The following SLC44A1 variants were observed in gnomAD, a reference collection of about 807,000 sequenced individuals.
SLC44A1 encodes the protein solute carrier family 44 member 1.
In SLC44A1, 26 loss-of-function variants were observed where a neutral mutation model predicts 79.3. The ratio of observed to expected loss-of-function variants is 0.33; its 90% CI spans 0.24 to 0.46. The LOEUF is 0.46. Among genes scored for constraint, SLC44A1 ranks in the 20% least tolerant of loss-of-function variants. SLC44A1 has a pLI of 1.00. For synonymous variants in SLC44A1, 263 were observed against 286.2 expected (o/e 0.92, Z 0.82); for missense variants, 688 against 798.1 (o/e 0.86, Z 1.66).
intron 15 of SLC44A1, among the ~76,000 whole-genome samples, chr9:105,425,587 T>A (rs1411480046): frequency 6.7e-6 from 1 of 149,458 alleles, no homozygotes; most frequent in Non-Finnish European, 1.5e-5. Context: ...CTTTGGGAGG[T>A]CGAGGCGGGC....
Position 105,392,409 on chromosome 9 carries a change from T to A in SLC44A1, c.*3353T>A. Reference sequence around the variant, plus strand: ...ATGCTCTCTCTCTCTCTCTCTTTTTTTTTTTTTTTTTTTTTTTTTTTCCGT... The same window carrying A: ...ATGCTCTCTCTCTCTCTCTCTTTTTATTTTTTTTTTTTTTTTTTTTTCCGT... On this transcript the variant is annotated 3_prime_UTR_variant, in exon 16 of 16. Coordinates refer to ENST00000374720, the MANE Select transcript of SLC44A1 (RefSeq NM_080546.5). The A allele has an allele frequency of 8.1e-6, 1 of 124,108 alleles. No homozygotes were observed. Among genetic ancestry groups the A allele is most frequent in the Non-Finnish European group, 9.5e-6 (1 of 105,452 alleles). 7.7% of individuals were successfully genotyped at this position (124,108 alleles called of 1,614,324 possible).
intron 3 of SLC44A1, among the ~76,000 whole-genome samples, chr9:105,317,925 C>G (rs1178150734): frequency 1.3e-5 from 2 of 152,162 alleles, no homozygotes; most frequent in African/African-American, 2.4e-5. Context: ...TGGAGATGCT[C>G]TAAGCCTTTG....
intron 1 of SLC44A1, among the ~76,000 whole-genome samples, chr9:105,247,218 T>C (rs529729196): frequency 6.6e-6 from 1 of 152,318 alleles, no homozygotes; most frequent in South Asian, 2.1e-4. Flanking sequence ...TGTTCCTATA[T>C]GTGTTTTTAA....
chr9:105,276,565 C>CATGTGTGTGTGTGTGTGT (rs1188770816), intron 1 of SLC44A1, among the ~76,000 whole-genome samples: 1 of 118,894 alleles, frequency 8.4e-6, no homozygotes, highest in Non-Finnish European at 1.8e-5. Flanking sequence ...GATGGGGAGC[C>CATGTGTGTGTGTGTGTGT]GTGTGTGTGT....
intron 15 of SLC44A1, among the ~76,000 whole-genome samples, chr9:105,405,975 G>A (rs1201147574): frequency 1.3e-5 from 2 of 152,196 alleles, no homozygotes; most frequent in African/African-American, 4.8e-5. Flanking sequence ...GCTTGACACA[G>A]GAAGGACCTG....
chr9:105,331,857 T>C (rs899137682), intron 3 of SLC44A1, among the ~76,000 whole-genome samples: 1 of 152,208 alleles, frequency 6.6e-6, no homozygotes, highest in Non-Finnish European at 1.5e-5. Context: ...ACTAGCTCTC[T>C]TGGGCCTGGT....
rs546955584 is a variant in SLC44A1, at chr9:105,383,378, G to T, written c.1869+19G>T. On this transcript the variant is annotated intron_variant, in intron 14 of 15. Coordinates refer to ENST00000374720, the MANE Select transcript of SLC44A1 (RefSeq NM_080546.5). ...GCTGATGGTAAGTACTTCAAATGCC[G>T]TTTCCTATTTTAGGGATAAAAATAC... The T allele has an allele frequency of 2.9e-6, 4 of 1,367,816 alleles. No homozygotes were observed. Among genetic ancestry groups the T allele is most frequent in the African/African-American group, 1.4e-5 (1 of 69,640 alleles). The allele number at this position is 1,367,816 out of a possible 1,614,324, so 84.7% of individuals were successfully genotyped here. A position where few individuals can be genotyped will look rare whatever the true frequency, so the allele number is the denominator to read the frequency against.
intron 2 of SLC44A1, among the ~76,000 whole-genome samples, chr9:105,304,357 C>T (rs1199215879): frequency 6.6e-6 from 1 of 152,144 alleles, no homozygotes; most frequent in Non-Finnish European, 1.5e-5. Context: ...ATAAGGTTAC[C>T]TGATCCAAAT....
At chr9:105,325,358 G>A (rs1826540297) in intron 3 of SLC44A1, among the ~76,000 whole-genome samples, 1 of 152,200 alleles carries the variant, frequency 6.6e-6, no homozygotes, top group Admixed American at 6.5e-5. Flanking sequence ...GGACATGGAA[G>A]GATGATGTAT....
In SLC44A1 at chr9:105,393,916, A is replaced by G. The variant is rs1828820646; in HGVS notation, c.*4860A>G. On this transcript the variant is annotated 3_prime_UTR_variant, in exon 16 of 16. Transcript: ENST00000374720. ...TGAAGATCTAGTTGAACATGGAAAC[A>G]TTGTAATTTACAAATGTCTCAGAAA... The G allele has an allele frequency of 2.0e-6, 2 of 984,766 alleles. No individual in the cohort carries two copies. The highest frequency in any genetic ancestry group is 1.7e-5 in the African/African-American group (1 of 57,232). 61.0% of individuals were successfully genotyped at this position (984,766 alleles called of 1,614,324 possible). A position where few individuals can be genotyped will look rare whatever the true frequency, so the allele number is the denominator to read the frequency against.
Position 105,413,410 on chromosome 9 carries a change from C to T in SLC44A1, c.1951-24871C>T, listed in dbSNP as rs530753910. ...AATTTCGCCTTCCCAATATAGGTGC[C>T]GCCCATCTTCCTGGTTTTCCCCTTC... is the stretch of plus-strand genomic sequence containing the variant. On this transcript the variant is annotated intron_variant, in intron 15 of 15. Transcript: ENST00000374724. Among the ~76,000 whole-genome samples, 7 of 152,282 alleles carry T rather than the reference C, an allele frequency of 4.6e-5. No homozygotes were observed. In the South Asian group the frequency reaches 8.3e-4, roughly 18 times the overall value.
intron 15 of SLC44A1, among the ~76,000 whole-genome samples, chr9:105,431,829 G>A (rs540866960): frequency 1.3e-5 from 2 of 152,304 alleles, no homozygotes; most frequent in South Asian, 2.1e-4. Flanking sequence ...CAACAAAGCA[G>A]CTTTAATTTG....
At chr9:105,434,961 C>A (rs1829444727) in intron 15 of SLC44A1, among the ~76,000 whole-genome samples, 1 of 152,004 alleles carries the variant, frequency 6.6e-6, no homozygotes, top group Non-Finnish European at 1.5e-5. Context: ...CCTAGGCAAC[C>A]TGGTGTAATC....
At chr9:105,354,623 TATTC>T (rs1827562869) in intron 5 of SLC44A1, among the ~76,000 whole-genome samples, 1 of 152,176 alleles carries the variant, frequency 6.6e-6, no homozygotes, top group Admixed American at 6.5e-5. Context: ...AAAAAACAAA[TATTC>T]ATGTCATATT....
chr9:105,395,875 C>A lies in SLC44A1; in HGVS notation c.*6819C>A. 1 of 981,346 alleles carries A rather than the reference C, an allele frequency of 1.0e-6. No individual in the cohort carries two copies. The highest frequency in any genetic ancestry group is 1.2e-6 in the Non-Finnish European group (1 of 828,016). 60.8% of individuals were successfully genotyped at this position (981,346 alleles called of 1,614,324 possible). ...AAAATGTGAGCTCCTTCTTCATTTA[C>A]CATGTTGATAATCCGGTGGTGACTT... On this transcript the variant is annotated 3_prime_UTR_variant, in exon 16 of 16. Transcript: ENST00000374720.
chr9:105,429,381 C>A (rs1049414042), intron 15 of SLC44A1, among the ~76,000 whole-genome samples: 1 of 152,224 alleles, frequency 6.6e-6, no homozygotes, highest in Non-Finnish European at 1.5e-5. Context: ...CAGCTCACCG[C>A]AACCTCCGCC....
chr9:105,322,389 T>C (rs1423488145), intron 3 of SLC44A1, among the ~76,000 whole-genome samples: 1 of 152,210 alleles, frequency 6.6e-6, no homozygotes, highest in African/African-American at 2.4e-5. Flanking sequence ...GCCGGAAGTC[T>C]GTTAATGAGT....
intron 1 of SLC44A1, among the ~76,000 whole-genome samples, chr9:105,273,036 G>C (rs1830113213): frequency 6.6e-6 from 1 of 151,320 alleles, no homozygotes; most frequent in Non-Finnish European, 1.5e-5. Context: ...CTGTCACCCA[G>C]GCTGGAATGT....
At chr9:105,297,284 C>T (rs927534696) in intron 1 of SLC44A1, among the ~76,000 whole-genome samples, 3 of 152,068 alleles carry the variant, frequency 2.0e-5, no homozygotes, top group Middle Eastern at 6.8e-3. Context: ...ATTCTCCGCC[C>T]TCATTGTTGA....
Sources: gnomAD v4.1 joint callset for allele counts (sites outside exome capture counted in the v4.1 genomes callset) on GRCh38, gnomAD v4.1.1 for gene constraint, MANE v1.5 for transcripts, NCBI Gene and HGNC (gene_info 2026-07-23, HGNC 2026-07-21) for gene names.